RNF43: variants seen among roughly 807,000 people sequenced by gnomAD.
RNF43 encodes the protein E3 ubiquitin-protein ligase RNF43.
In RNF43, 37 loss-of-function variants were observed where a neutral mutation model predicts 78.4. That is an observed-to-expected ratio of 0.47 (90% confidence interval 0.36 to 0.62). The LOEUF (loss-of-function observed/expected upper bound fraction) is 0.62. Ranked by LOEUF, RNF43 falls within the 20% of genes least tolerant of loss-of-function variation. The pLI is 0.00. For synonymous variants in RNF43, 347 were observed against 395.0 expected (o/e 0.88, Z 1.44); for missense variants, 774 against 1,007.9 (o/e 0.77, Z 3.14).
chr17:58,372,156 G>A (rs888532642), intron 2 of RNF43, among the ~76,000 whole-genome samples: 1 of 152,178 alleles, frequency 6.6e-6, no homozygotes, highest in Non-Finnish European at 1.5e-5. Flanking sequence ...AGAGAATCTT[G>A]AATTTATAAA....
At chr17:58,362,336 A>G (rs1483806810) in intron 6 of RNF43, among the ~76,000 whole-genome samples, 1 of 152,184 alleles carries the variant, frequency 6.6e-6, no homozygotes, top group African/African-American at 2.4e-5. Context: ...AGTGCCTGAC[A>G]CATAATAGAG....
rs933098996 is a variant in RNF43 at position 58,371,579 on chromosome 17, G to A, written c.253-546C>T. Among the ~76,000 whole-genome samples the A allele has an allele frequency of 7.2e-5, 11 of 152,220 alleles. No homozygotes were observed. The South Asian group carries it at 8.3e-4, about 11-fold the overall frequency. On this transcript the variant is annotated intron_variant, in intron 2 of 9. Transcript: ENST00000407977. ...CTCAGGAGGCTGGGTCATCTCACTCGGTGCTACCTTGCTTCTCTCACTAGC... is the reference window on the plus strand; with the variant it reads ...CTCAGGAGGCTGGGTCATCTCACTCAGTGCTACCTTGCTTCTCTCACTAGC...
intron 2 of RNF43, among the ~76,000 whole-genome samples, chr17:58,411,672 T>C (rs1354533438): frequency 6.6e-6 from 1 of 152,180 alleles, no homozygotes; most frequent in Non-Finnish European, 1.5e-5. Context: ...TGATAGAGAA[T>C]TGGTGACCTC....
intron 2 of RNF43, among the ~76,000 whole-genome samples, chr17:58,395,221 C>T (rs970250742): frequency 6.6e-6 from 1 of 152,130 alleles, no homozygotes; most frequent in Non-Finnish European, 1.5e-5. Context: ...AAATATAAGG[C>T]AATGACTTTG....
intron 3 of RNF43, among the ~76,000 whole-genome samples, chr17:58,364,504 A>G (rs1972907591): frequency 6.6e-6 from 1 of 152,210 alleles, no homozygotes; most frequent in African/African-American, 2.4e-5. Flanking sequence ...AAGGGAGATA[A>G]GAGCTAAAGG....
chr17:58,380,412 A>G (rs1345410605), intron 2 of RNF43, among the ~76,000 whole-genome samples: 1 of 152,132 alleles, frequency 6.6e-6, no homozygotes, highest in African/African-American at 2.4e-5. Context: ...TTGCCACAAC[A>G]AAGTAGTTAA....
chr17:58,387,255 C>T (rs894253687), intron 2 of RNF43, among the ~76,000 whole-genome samples: 2 of 152,130 alleles, frequency 1.3e-5, no homozygotes, highest in Non-Finnish European at 2.9e-5. Flanking sequence ...CCTGTTCCTG[C>T]TTGAGGAGAT....
chr17:58,407,917 C>T (rs1224765793), intron 2 of RNF43, among the ~76,000 whole-genome samples: 2 of 152,178 alleles, frequency 1.3e-5, no homozygotes, highest in Non-Finnish European at 2.9e-5. Flanking sequence ...GTGGAACCAC[C>T]ATGCTGAAGG....
At position 58,353,806 on chromosome 17, in the gene RNF43, A is replaced by G; in HGVS notation, c.*1137T>C. On this transcript the variant is annotated 3_prime_UTR_variant, in exon 10 of 10. Coordinates refer to ENST00000407977, the MANE Select transcript of RNF43 (RefSeq NM_017763.6). ...AGTCTCCCCACTAACTGAGGGAAAA[A>G]GGTTCCCAGGTGGGGTCCTCTGCCC... The G allele has an allele frequency of 5.0e-6, 1 of 200,756 alleles. No homozygotes were observed. Among genetic ancestry groups the G allele is most frequent in the Non-Finnish European group, 1.0e-5 (1 of 97,054 alleles). 12.4% of individuals were successfully genotyped at this position (200,756 alleles called of 1,614,324 possible).
chr17:58,362,404 A>C (rs1972854867), intron 6 of RNF43, 140 bp downstream of exon 6: 8 of 546,812 alleles, frequency 1.5e-5, no homozygotes, highest in Non-Finnish European at 2.5e-5. Context: ...GAAATCAACA[A>C]AGACAGACGC....
chr17:58,411,266 T>C (rs1468432089), intron 2 of RNF43, among the ~76,000 whole-genome samples: 1 of 152,118 alleles, frequency 6.6e-6, no homozygotes, highest in Non-Finnish European at 1.5e-5. Flanking sequence ...CACACAACTA[T>C]TAATATTTAG....
At position 58,354,796 on chromosome 17, in the gene RNF43, C is replaced by A; in HGVS notation, c.*147G>T. The A allele has an allele frequency of 1.3e-6, 1 of 743,496 alleles. No individual in the cohort carries two copies. The highest frequency in any genetic ancestry group is 2.4e-6 in the Non-Finnish European group (1 of 420,042). 46.1% of individuals were successfully genotyped at this position (743,496 alleles called of 1,614,324 possible). On this transcript the variant is annotated 3_prime_UTR_variant, in exon 10 of 10. Coordinates refer to ENST00000407977, the MANE Select transcript of RNF43 (RefSeq NM_017763.6). ...GGCACCCTCTCACCCTCCACCATCA[C>A]CAGTCCTCTTCCAGTGCTTCTAGGA...
In RNF43 at chr17:58,400,328, TACAA is replaced by T. The variant is rs531386444; in HGVS notation, c.252+14994_252+14997del. Among the ~76,000 whole-genome samples, 261 of 152,326 alleles carry T rather than the reference TACAA, an allele frequency of 1.7e-3. 1 individual carries two copies. The highest frequency in any genetic ancestry group is 6.8e-3 in the Middle Eastern group (2 of 294). Reference sequence around the variant, plus strand: ...CTTGTCCTTTCGGCTACATTAAAAATACAAACAGTCTTGCTTAGTTATGTTAAGC... The same window carrying T: ...CTTGTCCTTTCGGCTACATTAAAAATACAGTCTTGCTTAGTTATGTTAAGC... On this transcript the variant is annotated intron_variant, in intron 2 of 9. Transcript: ENST00000407977.
Position 58,360,569 on chromosome 17 carries a change from C to T in RNF43, c.849+214G>A, listed in dbSNP as rs910022753. ...TCCAAAGCACCACTGCAGCCTGGCA[C>T]GTGGTACACTCTCAACAAACAATAG... is the stretch of plus-strand genomic sequence containing the variant. On this transcript the variant is annotated intron_variant, in intron 7 of 9. Coordinates refer to ENST00000407977, the MANE Select transcript of RNF43 (RefSeq NM_017763.6). The surrounding 1 kb of genome is among the most constrained non-coding windows in gnomAD (Gnocchi z 4.3). Among the ~76,000 whole-genome samples, 13 of 152,224 alleles carry T rather than the reference C, an allele frequency of 8.5e-5. No homozygotes were observed. The highest frequency in any genetic ancestry group is 2.1e-4 in the South Asian group (1 of 4,836).
At position 58,363,257 on chromosome 17, in the gene RNF43, G is replaced by A. The variant is rs986321432; in HGVS notation, c.582+18C>T. ...AGGGCTAAGTGCAGGGCAAGGTCTGGAGGTCTAGTGTGCTTACCCAGGCCG... is the reference window on the plus strand; with the variant it reads ...AGGGCTAAGTGCAGGGCAAGGTCTGAAGGTCTAGTGTGCTTACCCAGGCCG... On this transcript the variant is annotated intron_variant, in intron 5 of 9. Coordinates refer to ENST00000407977, the MANE Select transcript of RNF43 (RefSeq NM_017763.6). The A allele has an allele frequency of 2.5e-6, 4 of 1,611,974 alleles. No individual in the cohort carries two copies. In the African/African-American group the frequency reaches 5.3e-5, roughly 22 times the overall value.
rs1203493594 is a variant in RNF43 at position 58,415,511 on chromosome 17, C to T, written c.67G>A (p.Ala23Thr). The T allele has an allele frequency of 1.9e-6, 3 of 1,612,700 alleles. No homozygotes were observed. The highest frequency in any genetic ancestry group is 2.5e-6 in the Non-Finnish European group (3 of 1,180,000). ...ACCAGTCCTGTGCGTCCAAAGCCTG[C>T]CTGCAGGGTAGCCATCAGCAGCCAG... ...WPWLLMATLQ[A>T]GFGRTGLVLA... Residue 23 changes from alanine to threonine, a missense_variant, in exon 2 of 10, where the codon GCA becomes ACA. Coordinates refer to ENST00000407977, the MANE Select transcript of RNF43 (RefSeq NM_017763.6).
Position 58,358,469 on chromosome 17 carries a change from C to T in RNF43, c.1307G>A (p.Arg436His), listed in dbSNP as rs756200398. Residue 436 changes from arginine (R) to histidine (H), a missense_variant, in exon 9 of 10, where the codon CGC becomes CAC. Physicochemically the swap from Arg to His is conservative, Grantham distance 29 (BLOSUM62 0). Transcript: ENST00000407977. This position sits in a 1 kb window ranked among gnomAD's most constrained non-coding sequence, Gnocchi z 6.2. ...ACTGCTGTCAGGGGGCCTGGCCCGGCGTAGGGGCACTGGGCAAGCAGCAGG... is the reference window on the plus strand; with the variant it reads ...ACTGCTGTCAGGGGGCCTGGCCCGGTGTAGGGGCACTGGGCAAGCAGCAGG... ...QHPAACPVPL[R>H]RARPPDSSGS... 13 of 1,613,706 alleles carry T rather than the reference C, an allele frequency of 8.1e-6. No individual in the cohort carries two copies. The highest frequency in any genetic ancestry group is 3.3e-5 in the South Asian group (3 of 91,036).
intron 2 of RNF43, among the ~76,000 whole-genome samples, chr17:58,407,702 T>C (rs1973942773): frequency 6.6e-6 from 1 of 152,180 alleles, no homozygotes; most frequent in Non-Finnish European, 1.5e-5. Flanking sequence ...AAATAGAAAT[T>C]TAAGGGCCTA....
In RNF43 at chr17:58,360,732, C is replaced by T; in HGVS notation, c.849+51G>A. 1.3e-6 allele frequency: 2 copies of T among 1,547,716 alleles called. No individual in the cohort carries two copies. The highest frequency in any genetic ancestry group is 1.7e-6 in the Non-Finnish European group (2 of 1,146,210). On this transcript the variant is annotated intron_variant, in intron 7 of 9. Transcript: ENST00000407977. The surrounding 1 kb of genome is among the most constrained non-coding windows in gnomAD (Gnocchi z 4.3). ...CTAGGCCTGCCCACCCCTCCCCCAG[C>T]TTCAATCTCCCCAGTCTGGTCATGG...
Sources: allele counts gnomAD v4.1 joint callset (sites outside exome capture counted in the v4.1 genomes callset), GRCh38; gene constraint gnomAD v4.1.1; non-coding constraint Gnocchi (gnomAD v3.1); transcripts MANE v1.5; gene names NCBI Gene and HGNC (gene_info 2026-07-23, HGNC 2026-07-21).